AHCYL2: variants seen among roughly 807,000 people sequenced by gnomAD.
AHCYL2 encodes adenosylhomocysteinase like 2, also known as S-adenosylhomocysteine hydrolase-like protein 2.
A neutral mutation model predicts 81.4 loss-of-function variants in AHCYL2; 28 were observed. The observed-to-expected ratio is 0.34, with a 90% CI of 0.25 to 0.47. The LOEUF (loss-of-function observed/expected upper bound fraction) is 0.47. Ranked by LOEUF, AHCYL2 falls within the 20% of genes least tolerant of loss-of-function variation. AHCYL2 has a pLI of 1.00. For missense variants in AHCYL2, 551 were observed against 785.1 expected (o/e 0.70, Z 3.56); for synonymous variants, 272 against 290.2 (o/e 0.94, Z 0.64).
chr7:129,353,901 ATATGAG>A (rs1793651743), intron 1 of AHCYL2, among the ~76,000 whole-genome samples: 1 of 151,990 alleles, frequency 6.6e-6, no homozygotes, highest in South Asian at 2.1e-4. Flanking sequence ...ATCAAAGGAA[ATATGAG>A]TATAATATCA....
chr7:129,276,494 T>G (rs972854421), intron 1 of AHCYL2, among the ~76,000 whole-genome samples: 1 of 150,784 alleles, frequency 6.6e-6, no homozygotes, highest in African/African-American at 2.4e-5. Flanking sequence ...CTCATGCCTA[T>G]AATCCCAGCA....
At chr7:129,243,442 T>C (rs1250774930) in intron 1 of AHCYL2, among the ~76,000 whole-genome samples, 2 of 152,252 alleles carry the variant, frequency 1.3e-5, no homozygotes, top group African/African-American at 4.8e-5. Flanking sequence ...AATATAAAAT[T>C]GATTTTTTAA....
chr7:129,295,152 CCT>C (rs1797009958), intron 1 of AHCYL2, among the ~76,000 whole-genome samples: 2 of 152,200 alleles, frequency 1.3e-5, no homozygotes, highest in African/African-American at 4.8e-5. Flanking sequence ...TTCTCCTTGA[CCT>C]CTTTCTCTGA....
chr7:129,350,445 G>A lies in AHCYL2; in HGVS notation c.364-29193G>A, dbSNP rs573824028. 2.0e-4 allele frequency among the ~76,000 whole-genome samples: 30 copies of A among 150,872 alleles called. No individual in the cohort carries two copies. In the South Asian group the frequency reaches 2.7e-3, roughly 14 times the overall value. On this transcript the variant is annotated intron_variant, in intron 1 of 16. Transcript: ENST00000325006. The stretch of plus-strand genomic sequence containing the variant: ...GTCACATGGGCTGGAGTGCAATGGC[G>A]TGGTCTCAGCTTACTGCAACCTCTG...
intron 1 of AHCYL2, among the ~76,000 whole-genome samples, chr7:129,275,585 G>T (rs1229052443): frequency 1.3e-5 from 2 of 152,010 alleles, no homozygotes; most frequent in African/African-American, 4.8e-5. Context: ...AGCCAAAACT[G>T]ATTTGAAGGC....
chr7:129,348,393 ACC>A (rs567237209), intron 1 of AHCYL2, among the ~76,000 whole-genome samples: 3 of 136,458 alleles, frequency 2.2e-5, no homozygotes, highest in Non-Finnish European at 3.2e-5. Flanking sequence ...AGAAACAATA[ACC>A]CCCCCCCCAC....
rs1167794026 is a variant in AHCYL2, at chr7:129,255,093, T to TCTA, written c.363+29658_363+29660dup. 7.9e-5 allele frequency among the ~76,000 whole-genome samples: 12 copies of TCTA among 152,028 alleles called. 1 individual carries two copies. Among genetic ancestry groups the TCTA allele is most frequent in the African/African-American group, 2.9e-4 (12 of 41,466 alleles). ...CTTACCAACATGGTGAACCCCCGTC[T>TCTA]CTACTAAAAATACAAAAATTAGCCG... is the stretch of plus-strand genomic sequence containing the variant. On this transcript the variant is annotated intron_variant, in intron 1 of 16. Transcript: ENST00000325006.
At chr7:129,270,880 A>G (rs910305828) in intron 1 of AHCYL2, among the ~76,000 whole-genome samples, 8 of 152,210 alleles carry the variant, frequency 5.3e-5, no homozygotes, top group Non-Finnish European at 1.0e-4. Context: ...TTGTCTTCAC[A>G]TAGGTTCAGT....
At chr7:129,400,080 C>G (rs1246170767) in intron 5 of AHCYL2, among the ~76,000 whole-genome samples, 1 of 152,060 alleles carries the variant, frequency 6.6e-6, no homozygotes, top group African/African-American at 2.4e-5. Context: ...TGCTTGTCCT[C>G]CTTGGGCTAA....
intron 1 of AHCYL2, among the ~76,000 whole-genome samples, chr7:129,248,650 G>T (rs1455221102): frequency 6.7e-6 from 1 of 149,478 alleles, no homozygotes; most frequent in Admixed American, 6.7e-5. Context: ...ATTATTTTGG[G>T]TATCCAAGTC....
At chr7:129,256,555 C>CA (rs1795435299) in intron 1 of AHCYL2, among the ~76,000 whole-genome samples, 1 of 134,374 alleles carries the variant, frequency 7.4e-6, no homozygotes, top group Non-Finnish European at 1.6e-5. Context: ...CCCCACCCCC[C>CA]CCCCGCCTTA....
In AHCYL2 at chr7:129,235,619, C is replaced by T. The variant is rs563318501; in HGVS notation, c.363+10180C>T. On this transcript the variant is annotated intron_variant, in intron 1 of 16. Transcript: ENST00000325006. Reference sequence around the variant, plus strand: ...TGTATTTTTTGTAGAGATGGGGTTTCGCCATATTGCCCAGGCTGGTCATGA... The same window carrying T: ...TGTATTTTTTGTAGAGATGGGGTTTTGCCATATTGCCCAGGCTGGTCATGA... Among the ~76,000 whole-genome samples the T allele has an allele frequency of 4.6e-5, 7 of 152,212 alleles. No homozygotes were observed. The South Asian group carries it at 6.2e-4, about 14-fold the overall frequency.
chr7:129,405,922 T>G, intron 9 of AHCYL2, 23 bp downstream of exon 9: 2 of 1,605,820 alleles, frequency 1.2e-6, no homozygotes, highest in South Asian at 2.2e-5. Flanking sequence ...CTTTTGTTTA[T>G]TAGGTGTTTT....
At chr7:129,374,897 CA>C (rs1202682169) in intron 1 of AHCYL2, among the ~76,000 whole-genome samples, 3 of 146,172 alleles carry the variant, frequency 2.1e-5, no homozygotes. Context: ...GAAGAATTGA[CA>C]TCACTTTCCC....
chr7:129,283,190 ACT>A (rs781295163), intron 1 of AHCYL2, among the ~76,000 whole-genome samples: 5 of 151,912 alleles, frequency 3.3e-5, no homozygotes, highest in Non-Finnish European at 5.9e-5. Flanking sequence ...GCCTTCCCAG[ACT>A]CTCAGCTCAA....
intron 1 of AHCYL2, among the ~76,000 whole-genome samples, chr7:129,366,564 C>T (rs1794124154): frequency 1.3e-5 from 2 of 152,026 alleles, no homozygotes; most frequent in Non-Finnish European, 1.5e-5. Context: ...GGTGGATCAC[C>T]TGAGGTCAGG....
intron 1 of AHCYL2, among the ~76,000 whole-genome samples, chr7:129,244,628 G>C (rs1466570162): frequency 2.0e-5 from 3 of 152,084 alleles, no homozygotes; most frequent in African/African-American, 7.2e-5. Flanking sequence ...TTTTATGAGG[G>C]CACTAATCTC....
At chr7:129,381,025 C>G (rs1184498938) in intron 2 of AHCYL2, among the ~76,000 whole-genome samples, 1 of 152,220 alleles carries the variant, frequency 6.6e-6, no homozygotes, top group Non-Finnish European at 1.5e-5. Context: ...GCGTGAGCCA[C>G]TGCGCCAGGC....
At chr7:129,400,245 C>CT in intron 5 of AHCYL2, 45 bp from the exon 6 acceptor site, 1 of 1,569,408 alleles carries the variant, frequency 6.4e-7, no homozygotes, top group Non-Finnish European at 8.7e-7. Flanking sequence ...GGGGGTCAGC[C>CT]TTTTTTGGTC....
Sources: gnomAD v4.1 joint callset for allele counts (sites outside exome capture counted in the v4.1 genomes callset) on GRCh38, gnomAD v4.1.1 for gene constraint, MANE v1.5 for transcripts, NCBI Gene and HGNC (gene_info 2026-07-23, HGNC 2026-07-21) for gene names.